Variants in VPS13B observed in about 807,000 individuals in gnomAD.
The protein encoded by VPS13B is vacuolar protein sorting 13 homolog B.
Under a neutral mutation model 426.4 loss-of-function variants are expected in VPS13B, and 285 were observed. The observed-to-expected ratio is 0.67, with a 90% confidence interval of 0.61 to 0.74. The LOEUF is 0.74. Among genes scored for constraint, VPS13B ranks in the 30% least tolerant of loss-of-function variants. The pLI is 0.00. For synonymous variants in VPS13B, 1,676 were observed against 1,676.4 expected (o/e 1.00, Z 0.01); for missense variants, 4,537 against 4,782.6 (o/e 0.95, Z 1.51).
chr8:99,053,172 G>C (rs1037797807), intron 3 of VPS13B, among the ~76,000 whole-genome samples: 10 of 150,882 alleles, frequency 6.6e-5, no homozygotes, highest in African/African-American at 2.4e-4. Flanking sequence ...TAAGTTTTAG[G>C]GTACATGTGC....
intron 29 of VPS13B, among the ~76,000 whole-genome samples, chr8:99,514,864 A>G (rs2133647240): frequency 6.6e-6 from 1 of 152,302 alleles, no homozygotes; most frequent in South Asian, 2.1e-4. Flanking sequence ...AGGAACCACC[A>G]AACTTCTTGG....
chr8:99,094,202 C>T (rs1481108146), intron 3 of VPS13B: 1 of 152,140 alleles, frequency 6.6e-6, no homozygotes, highest in African/African-American at 2.4e-5. Context: ...TGGCAGTTCA[C>T]TTGGAACTTT....
intron 3 of VPS13B, among the ~76,000 whole-genome samples, chr8:99,064,632 T>C (rs1008540283): frequency 3.9e-5 from 6 of 152,300 alleles, no homozygotes; most frequent in African/African-American, 1.4e-4. Flanking sequence ...CTGCTTTTGA[T>C]TAGTGTACCT....
At chr8:99,418,498 TCTTTCTTTCTTTCTTTC>T (rs1365529102) in intron 21 of VPS13B, among the ~76,000 whole-genome samples, 4 of 143,006 alleles carry the variant, frequency 2.8e-5, no homozygotes, top group African/African-American at 5.6e-5. Flanking sequence ...TTTCTTTCTT[TCTTTCTTTCTTTCTTTC>T]CTTTCTTTCT....
intron 39 of VPS13B, among the ~76,000 whole-genome samples, chr8:99,740,847 C>T (rs1442441010): frequency 2.6e-5 from 4 of 151,388 alleles, no homozygotes; most frequent in Admixed American, 1.3e-4. Flanking sequence ...AAGGAACAAC[C>T]AGTACCAGCC....
chr8:99,575,972 C>T (rs1825756385), intron 32 of VPS13B, among the ~76,000 whole-genome samples, 188 bp downstream of exon 32: 3 of 152,156 alleles, frequency 2.0e-5, no homozygotes, highest in African/African-American at 7.2e-5. Flanking sequence ...CTTGTAATAA[C>T]TCATTTAGTC....
intron 17 of VPS13B, chr8:99,234,329 G>T: frequency 1.3e-6 from 1 of 752,968 alleles, no homozygotes; most frequent in Non-Finnish European, 2.5e-6. Context: ...CCCGTGTTGA[G>T]CCAAAGGTGC....
intron 19 of VPS13B, among the ~76,000 whole-genome samples, chr8:99,313,144 G>A (rs985381885): frequency 1.3e-4 from 20 of 151,992 alleles, no homozygotes; most frequent in African/African-American, 3.4e-4. Flanking sequence ...AAGTTTGATC[G>A]TCTGAAGCCT....
intron 30 of VPS13B, among the ~76,000 whole-genome samples, chr8:99,535,415 A>G (rs563826088): frequency 7.2e-5 from 11 of 152,212 alleles, no homozygotes; most frequent in Admixed American, 3.9e-4. Context: ...AAGAACTTCC[A>G]TCCTCTGTGG....
At chr8:99,109,521 T>A (rs1357515636) in intron 5 of VPS13B, among the ~76,000 whole-genome samples, 1 of 152,050 alleles carries the variant, frequency 6.6e-6, no homozygotes, top group Admixed American at 6.6e-5. Flanking sequence ...TAGCTGTGAT[T>A]TTCTGCATTT....
At chr8:99,557,120 C>T (rs1824624764) in intron 31 of VPS13B, among the ~76,000 whole-genome samples, 2 of 151,992 alleles carry the variant, frequency 1.3e-5, no homozygotes, top group Non-Finnish European at 2.9e-5. Flanking sequence ...CTAAAAGCAA[C>T]TATGTTGATA....
chr8:99,721,248 A>G (rs976737403), intron 39 of VPS13B, among the ~76,000 whole-genome samples: 2 of 152,228 alleles, frequency 1.3e-5, no homozygotes, highest in African/African-American at 4.8e-5. Flanking sequence ...ATCCAAATTC[A>G]TGATACATGG....
At chr8:99,597,328 G>A (rs1027491308) in intron 33 of VPS13B, among the ~76,000 whole-genome samples, 2 of 151,960 alleles carry the variant, frequency 1.3e-5, no homozygotes, top group Non-Finnish European at 2.9e-5. Flanking sequence ...TGTCTTTCCT[G>A]TAGTTAAATA....
At chr8:99,178,365 A>G (rs2132686584) in intron 16 of VPS13B, among the ~76,000 whole-genome samples, 1 of 147,636 alleles carries the variant, frequency 6.8e-6, no homozygotes, top group South Asian at 2.1e-4. Flanking sequence ...AAAAGATCAG[A>G]TAGTGCTTAG....
chr8:99,181,556 T>A (rs1363304649), intron 16 of VPS13B, among the ~76,000 whole-genome samples: 1 of 152,204 alleles, frequency 6.6e-6, no homozygotes, highest in Non-Finnish European at 1.5e-5. Flanking sequence ...TACCTTCGAG[T>A]TATTTTGAGG....
At chr8:99,021,686 A>G (rs990488735) in intron 2 of VPS13B, among the ~76,000 whole-genome samples, 72 of 151,942 alleles carry the variant, frequency 4.7e-4, no homozygotes, top group African/African-American at 1.7e-3. Flanking sequence ...GTGCAGTGGC[A>G]TGATCATAGC....
intron 43 of VPS13B, chr8:99,796,825 T>A (rs1005415737): frequency 2.6e-5 from 4 of 152,202 alleles, no homozygotes; most frequent in Non-Finnish European, 5.9e-5. Flanking sequence ...ATCCACGTGA[T>A]CTCACCAACA....
chr8:99,254,950 T>C (rs1817673189), intron 17 of VPS13B, among the ~76,000 whole-genome samples: 1 of 152,154 alleles, frequency 6.6e-6, no homozygotes, highest in African/African-American at 2.4e-5. Context: ...ACATTTTCTG[T>C]TTCATCTTTT....
At chr8:99,170,192 A>G (rs746091773) in intron 16 of VPS13B, 29 bp downstream of exon 16, 10 of 1,609,882 alleles carry the variant, frequency 6.2e-6, no homozygotes, top group Non-Finnish European at 7.6e-6. Context: ...AATGTGATTT[A>G]TGTTAATTTC....
Sources: gnomAD v4.1 joint callset for allele counts (sites outside exome capture counted in the v4.1 genomes callset) on GRCh38, gnomAD v4.1.1 for gene constraint, MANE v1.5 for transcripts, NCBI Gene and HGNC (gene_info 2026-07-23, HGNC 2026-07-21) for gene names.